Variants in OR51E1 observed in about 807,000 individuals in gnomAD.
The protein encoded by OR51E1 is olfactory receptor 51E1.
A neutral mutation model predicts 11.5 loss-of-function variants in OR51E1; 9 were observed. The ratio of observed to expected loss-of-function variants is 0.78; its 90% CI spans 0.47 to 1.37. The LOEUF (loss-of-function observed/expected upper bound fraction) is 1.37. Ranked by LOEUF, OR51E1 falls within the 40% of genes most tolerant of loss-of-function variation. OR51E1 has a pLI of 0.00. For missense variants in OR51E1, 397 were observed against 410.2 expected (o/e 0.97, Z 0.28); for synonymous variants, 168 against 158.3 (o/e 1.06, Z -0.46).
At chr11:4,645,037 CAT>C (rs1847011611) in intron 1 of OR51E1, among the ~76,000 whole-genome samples, 1 of 152,168 alleles carries the variant, frequency 6.6e-6, no homozygotes, top group Admixed American at 6.5e-5. Context: ...TTTCTCATCA[CAT>C]GTCACATCCT....
intron 1 of OR51E1, among the ~76,000 whole-genome samples, chr11:4,650,110 T>C (rs1705710316): frequency 6.6e-6 from 1 of 152,192 alleles, no homozygotes; most frequent in South Asian, 2.1e-4. Context: ...TTTTAGTAAG[T>C]CTTCCGAATT....
rs79122020 is a variant in OR51E1 at position 4,651,991 on chromosome 11, T to G, written c.-39-497T>G. Among the ~76,000 whole-genome samples, 216 of 152,320 alleles carry G rather than the reference T, an allele frequency of 1.4e-3. 1 individual carries two copies. The highest frequency in any genetic ancestry group is 5.0e-3 in the African/African-American group (206 of 41,570). On this transcript the variant is annotated intron_variant, in intron 1 of 1. Transcript: ENST00000396952. The stretch of plus-strand genomic sequence containing the variant: ...TTAAGTCTAGAATTGGGGAGATCAT[T>G]AGATTAATGCTGGGGTTAGGTTTCA...
chr11:4,650,185 A>T (rs75098987), intron 1 of OR51E1, among the ~76,000 whole-genome samples: 1 of 152,190 alleles, frequency 6.6e-6, no homozygotes, highest in Non-Finnish European at 1.5e-5. Flanking sequence ...AATTGTTTGT[A>T]TAACAAAAAT....
intron 1 of OR51E1, among the ~76,000 whole-genome samples, chr11:4,651,681 T>C (rs1487397260): frequency 6.6e-6 from 1 of 152,192 alleles, no homozygotes; most frequent in Non-Finnish European, 1.5e-5. Context: ...ACATTGGCTT[T>C]GTGAATGGGG....
intron 1 of OR51E1, among the ~76,000 whole-genome samples, chr11:4,647,362 G>A (rs1055752242): frequency 6.6e-6 from 1 of 152,170 alleles, no homozygotes; most frequent in Non-Finnish European, 1.5e-5. Context: ...GCTCAAGCTG[G>A]AAGGCCATCT....
At position 4,653,053 on chromosome 11, in the gene OR51E1, T is replaced by C; in HGVS notation, c.527T>C (p.Ile176Thr). 1 of 1,613,840 alleles carries C rather than the reference T, an allele frequency of 6.2e-7. No individual in the cohort carries two copies. The highest frequency in any genetic ancestry group is 8.5e-7 in the Non-Finnish European group (1 of 1,179,804). The part of the protein sequence containing the change: ...IKQLPFCRSN[I>T]LSHSYCLHQD... ...CAGCTGCCCTTCTGCCGCTCCAATA[T>C]CCTTTCCCATTCCTACTGCCTACAC... The change falls in exon 2 of 2, where the codon ATC (isoleucine) becomes ACC (threonine). Residue 176 changes from isoleucine to threonine, a missense_variant. Physicochemically the swap from Ile to Thr is moderately conservative, Grantham distance 89 (BLOSUM62 -1). Transcript: ENST00000396952.
rs751967789 is a variant in OR51E1 at position 4,653,138 on chromosome 11, C to G, written c.612C>G (p.Ile204Met). The change falls in exon 2 of 2, where the codon ATC (isoleucine) becomes ATG (methionine). Residue 204 changes from isoleucine (I) to methionine (M), a missense_variant. Transcript: ENST00000396952. ...DIRVNVVYGL[I>M]VIISAIGLDS... ...GGGTCAATGTCGTCTATGGCCTTAT[C>G]GTCATCATCTCCGCCATTGGCCTGG... The G allele has an allele frequency of 6.2e-7, 1 of 1,613,598 alleles. No individual in the cohort carries two copies. The highest frequency in any genetic ancestry group is 1.1e-5 in the South Asian group (1 of 91,062).
intron 1 of OR51E1, among the ~76,000 whole-genome samples, chr11:4,645,799 G>A (rs7342198): frequency 0.031 from 4,668 of 152,214 alleles, 240 homozygotes; most frequent in African/African-American, 0.1. Context: ...GCTGACTTGA[G>A]TGACCAGGGT....
intron 1 of OR51E1, among the ~76,000 whole-genome samples, chr11:4,646,902 C>T (rs1420489106): frequency 6.6e-6 from 1 of 152,138 alleles, no homozygotes; most frequent in East Asian, 1.9e-4. Context: ...TCTGCATTAC[C>T]AGTCACCTGT....
At chr11:4,646,279 C>A (rs1401236711) in intron 1 of OR51E1, among the ~76,000 whole-genome samples, 2 of 152,212 alleles carry the variant, frequency 1.3e-5, no homozygotes, top group Admixed American at 1.3e-4. Context: ...TGAATCTCCT[C>A]CTGGTTCTCC....
intron 1 of OR51E1, among the ~76,000 whole-genome samples, chr11:4,651,726 A>G (rs1376036201): frequency 6.6e-6 from 1 of 152,224 alleles, no homozygotes; most frequent in African/African-American, 2.4e-5. Flanking sequence ...CACTAGAGCC[A>G]TCATTCTTTA....
intron 1 of OR51E1, among the ~76,000 whole-genome samples, chr11:4,651,661 G>A (rs1168432596): frequency 6.6e-6 from 1 of 152,204 alleles, no homozygotes; most frequent in African/African-American, 2.4e-5. Flanking sequence ...AGTGCAGATG[G>A]GAGATGGTTA....
At chr11:4,646,196 G>A (rs560527076) in intron 1 of OR51E1, among the ~76,000 whole-genome samples, 47 of 152,278 alleles carry the variant, frequency 3.1e-4, no homozygotes, top group South Asian at 2.1e-3. Flanking sequence ...TGACAGCAGC[G>A]CCAGAGGCCC....
chr11:4,652,767 A>T lies in OR51E1; in HGVS notation c.241A>T (p.Met81Leu). The T allele has an allele frequency of 1.2e-6, 2 of 1,614,140 alleles. No homozygotes were observed. The highest frequency in any genetic ancestry group is 1.7e-6 in the Non-Finnish European group (2 of 1,180,010). The change falls in exon 2 of 2, where the codon ATG (methionine) becomes TTG (leucine). Residue 81 changes from methionine to leucine, a missense_variant. Transcript: ENST00000396952. The part of the protein sequence containing the change: ...GIDILISTSS[M>L]PKMLAIFWFN... ...TGACATCCTCATCTCCACCTCATCC[A>T]TGCCCAAAATGCTGGCCATCTTCTG...
intron 1 of OR51E1, among the ~76,000 whole-genome samples, chr11:4,645,691 G>C (rs796974467): frequency 1.1e-4 from 17 of 152,232 alleles, no homozygotes; most frequent in African/African-American, 3.9e-4. Flanking sequence ...GTGCAGCTTT[G>C]CAGATCTTTA....
intron 1 of OR51E1, among the ~76,000 whole-genome samples, chr11:4,646,463 C>A (rs7937180): frequency 0.44 from 67,157 of 152,014 alleles, 15,043 homozygotes; most frequent in South Asian, 0.51. Context: ...GTAGCTTGGC[C>A]TACTGTAAAG....
At chr11:4,648,051 C>G (rs1847049981) in intron 1 of OR51E1, among the ~76,000 whole-genome samples, 2 of 152,094 alleles carry the variant, frequency 1.3e-5, no homozygotes, top group Non-Finnish European at 2.9e-5. Flanking sequence ...TCAGGGCTGG[C>G]CAGTCTGAAC....
chr11:4,651,782 G>A (rs1047366293), intron 1 of OR51E1, among the ~76,000 whole-genome samples: 3 of 152,182 alleles, frequency 2.0e-5, no homozygotes, highest in African/African-American at 7.2e-5. Context: ...GCTTTGGGTG[G>A]TCATTTGGAC....
chr11:4,650,278 G>A (rs1847078005), intron 1 of OR51E1, among the ~76,000 whole-genome samples: 1 of 152,078 alleles, frequency 6.6e-6, no homozygotes, highest in Admixed American at 6.6e-5. Context: ...GGAGAGGAGA[G>A]TGAAGATCCA....
Sources: allele counts gnomAD v4.1 joint callset (sites outside exome capture counted in the v4.1 genomes callset), GRCh38; gene constraint gnomAD v4.1.1; transcripts MANE v1.5; gene names NCBI Gene and HGNC (gene_info 2026-07-23, HGNC 2026-07-21).